Variants in CNTN4 observed in about 807,000 individuals in gnomAD.
CNTN4 encodes contactin 4.
Under a neutral mutation model 122.5 loss-of-function variants are expected in CNTN4, and 77 were observed. The observed-to-expected ratio is 0.63, with a 90% CI of 0.52 to 0.76. CNTN4 has a LOEUF of 0.76. CNTN4 is among the 30% of genes least tolerant of loss of function. The probability of loss-of-function intolerance (pLI) is 0.00; values close to 1 mark genes in which losing one functional copy is unlikely to be tolerated. For synonymous variants in CNTN4, 512 were observed against 447.0 expected, an observed-to-expected ratio of 1.15 and a Z score of -1.83; for missense variants, 1,256 against 1,259.1, an observed-to-expected ratio of 1.00 and a Z score of 0.04.
At chr3:2,756,861 T>G (rs1025920490) in intron 6 of CNTN4, among the ~76,000 whole-genome samples, 1 of 152,192 alleles carries the variant, frequency 6.6e-6, no homozygotes, top group African/African-American at 2.4e-5. Context: ...ACAACTTGAT[T>G]TCGGGTATCT....
intron 17 of CNTN4, among the ~76,000 whole-genome samples, chr3:3,035,983 C>G (rs950645132): frequency 2.6e-5 from 4 of 151,094 alleles, no homozygotes; most frequent in African/African-American, 9.7e-5. Flanking sequence ...CCCTTTATTA[C>G]ATGTATACAG....
chr3:2,622,444 A>G (rs751687080), intron 4 of CNTN4, among the ~76,000 whole-genome samples: 8 of 152,116 alleles, frequency 5.3e-5, no homozygotes, highest in Non-Finnish European at 7.4e-5. Flanking sequence ...AGTGTGTGCC[A>G]CCACGCCCAG....
chr3:3,024,384 T>TAAAAAAAAAA (rs55892513), intron 14 of CNTN4, among the ~76,000 whole-genome samples: 1 of 90,260 alleles, frequency 1.1e-5, no homozygotes, highest in Non-Finnish European at 2.2e-5. Flanking sequence ...TTTTCCTCAT[T>TAAAAAAAAAA]AAAAAAAAAA....
chr3:2,439,553 A>G (rs2048362153), intron 3 of CNTN4, among the ~76,000 whole-genome samples: 1 of 152,126 alleles, frequency 6.6e-6, no homozygotes, highest in South Asian at 2.1e-4. Flanking sequence ...ATATGAAGAT[A>G]TGAATGTTCC....
At chr3:2,466,326 C>T (rs955131285) in intron 3 of CNTN4, among the ~76,000 whole-genome samples, 4 of 152,116 alleles carry the variant, frequency 2.6e-5, no homozygotes, top group Admixed American at 6.5e-5. Flanking sequence ...TTTCTTGGTA[C>T]GAAAGTATGC....
At chr3:2,309,800 A>G (rs1575337740) in intron 2 of CNTN4, among the ~76,000 whole-genome samples, 1 of 152,290 alleles carries the variant, frequency 6.6e-6, no homozygotes, top group East Asian at 1.9e-4. Flanking sequence ...TAATGAGCAC[A>G]TGGAATCAAA....
chr3:2,114,188 C>T (rs2033175048), intron 2 of CNTN4, among the ~76,000 whole-genome samples: 1 of 151,972 alleles, frequency 6.6e-6, no homozygotes, highest in African/African-American at 2.4e-5. Flanking sequence ...GGTGGTGGCT[C>T]ACACCTGTAA....
At chr3:2,970,947 C>A (rs866416097) in intron 13 of CNTN4, among the ~76,000 whole-genome samples, 11 of 151,972 alleles carry the variant, frequency 7.2e-5, no homozygotes, top group Admixed American at 2.0e-4. Flanking sequence ...GCCACCATGC[C>A]CAGTTAATTT....
In CNTN4 at chr3:2,204,754, T is replaced by C. The variant is rs533026104; in HGVS notation, c.-145+104115T>C. Among the ~76,000 whole-genome samples, 5 of 152,180 alleles carry C rather than the reference T, an allele frequency of 3.3e-5. 1 individual carries two copies. The East Asian group carries it at 9.7e-4, about 29-fold the overall frequency. On this transcript the variant is annotated intron_variant, in intron 2 of 24. Coordinates refer to ENST00000418658, the MANE Select transcript of CNTN4 (RefSeq NM_175607.3). ...TCTCAAAGGATGCAAGGCCCCCCCATGGGATAAAGTCAGCTTTGTCAGAGG... is the reference window on the plus strand; with the variant it reads ...TCTCAAAGGATGCAAGGCCCCCCCACGGGATAAAGTCAGCTTTGTCAGAGG...
intron 4 of CNTN4, among the ~76,000 whole-genome samples, chr3:2,595,141 A>G (rs2080706978): frequency 2.0e-5 from 3 of 152,242 alleles, no homozygotes; most frequent in Admixed American, 2.0e-4. Flanking sequence ...TTAAGGTTCC[A>G]TTGACATGCT....
chr3:3,033,060 T>A (rs1355488336), intron 16 of CNTN4, among the ~76,000 whole-genome samples: 1 of 152,194 alleles, frequency 6.6e-6, no homozygotes, highest in Non-Finnish European at 1.5e-5. Context: ...TTCCTATCGA[T>A]TTAATTCTTT....
intron 3 of CNTN4, among the ~76,000 whole-genome samples, chr3:2,529,782 A>G (rs2077530937): frequency 6.6e-6 from 1 of 151,996 alleles, no homozygotes; most frequent in Non-Finnish European, 1.5e-5. Flanking sequence ...GATGAGGAGG[A>G]GGAGGAGGAG....
intron 8 of CNTN4, among the ~76,000 whole-genome samples, chr3:2,869,968 C>T (rs1291072568): frequency 6.6e-6 from 1 of 152,200 alleles, no homozygotes; most frequent in Non-Finnish European, 1.5e-5. Context: ...AATACAGCCC[C>T]TGTGGCTTCT....
At chr3:2,482,989 C>T (rs1025601388) in intron 3 of CNTN4, among the ~76,000 whole-genome samples, 1 of 152,094 alleles carries the variant, frequency 6.6e-6, no homozygotes, top group Non-Finnish European at 1.5e-5. Context: ...GAGAAGAAGG[C>T]CACCATCCTC....
intron 3 of CNTN4, among the ~76,000 whole-genome samples, chr3:2,375,549 T>C (rs1360929967): frequency 1.3e-5 from 2 of 152,182 alleles, no homozygotes; most frequent in African/African-American, 4.8e-5. Context: ...CTGCTTTCTC[T>C]GGCAATGGAG....
intron 17 of CNTN4, among the ~76,000 whole-genome samples, chr3:3,035,090 G>A (rs888974007): frequency 9.2e-5 from 14 of 152,024 alleles, no homozygotes; most frequent in South Asian, 6.3e-4. Context: ...GATGGATCGC[G>A]TGAGCCCAGG....
At chr3:2,936,552 C>A (rs935346144) in intron 13 of CNTN4, among the ~76,000 whole-genome samples, 1 of 152,182 alleles carries the variant, frequency 6.6e-6, no homozygotes, top group Non-Finnish European at 1.5e-5. Context: ...CTCCTGCCTG[C>A]TGTCTACCAG....
At position 2,294,382 on chromosome 3, in the gene CNTN4, G is replaced by T. The variant is rs557292331; in HGVS notation, c.-144-44796G>T. On this transcript the variant is annotated intron_variant, in intron 2 of 24. Transcript: ENST00000418658. ...GCGGTGGCTCACGCCTGTAATCCCA[G>T]CACTCTGGGAGGCCAAAGCTGGTGG... Among the ~76,000 whole-genome samples, 3 of 151,390 alleles carry T rather than the reference G, an allele frequency of 2.0e-5. No homozygotes were observed. In the East Asian group the frequency reaches 5.9e-4, roughly 30 times the overall value.
rs963395863 is a variant in CNTN4 at position 2,162,944 on chromosome 3, A to G, written c.-145+62305A>G. Among the ~76,000 whole-genome samples the G allele has an allele frequency of 2.6e-5, 4 of 152,076 alleles. No individual in the cohort carries two copies. The South Asian group carries it at 8.3e-4, about 32-fold the overall frequency. On this transcript the variant is annotated intron_variant, in intron 2 of 24. Coordinates refer to ENST00000418658, the MANE Select transcript of CNTN4 (RefSeq NM_175607.3). ...AGACCCCATCTCTACAAAATATATA[A>G]AAATTAGCTGGGTGTGGTAGTGCAC... is the stretch of plus-strand genomic sequence containing the variant.
Sources: gnomAD v4.1 joint callset for allele counts (sites outside exome capture counted in the v4.1 genomes callset) on GRCh38, gnomAD v4.1.1 for gene constraint, MANE v1.5 for transcripts, NCBI Gene and HGNC (gene_info 2026-07-23, HGNC 2026-07-21) for gene names.